Variants in FAM193A observed in about 807,000 individuals in gnomAD.
The protein encoded by FAM193A is protein FAM193A.
FAM193A carries 22 observed loss-of-function variants against 126.5 expected under a neutral mutation model. The ratio of observed to expected loss-of-function variants is 0.17; its 90% CI spans 0.12 to 0.25. The LOEUF (loss-of-function observed/expected upper bound fraction) is 0.25. FAM193A is among the 10% of genes least tolerant of loss of function. FAM193A has a pLI of 1.00. For missense variants in FAM193A, 1,675 were observed against 1,672.8 expected, an observed-to-expected ratio of 1.00 and a Z score of -0.02; for synonymous variants, 761 against 646.8, an observed-to-expected ratio of 1.18 and a Z score of -2.68.
chr4:2,675,231 G>A (rs532844749), intron 13 of FAM193A, among the ~76,000 whole-genome samples: 2 of 152,274 alleles, frequency 1.3e-5, no homozygotes, highest in South Asian at 4.1e-4. Context: ...GTTCAGTGAA[G>A]TGGTCTTCAG....
rs9762201 is a variant in FAM193A at position 2,732,197 on chromosome 4, C to G, written c.*329C>G. On this transcript the variant is annotated 3_prime_UTR_variant, in exon 21 of 21. Coordinates refer to ENST00000637812, the MANE Select transcript of FAM193A (RefSeq NM_001366318.2). The stretch of plus-strand genomic sequence containing the variant: ...CATCATCCACGTGGCTCCGTTGCCT[C>G]TGCATTGCGCCCTGTCCTGTCATGT... 1 of 370,306 alleles carries G rather than the reference C, an allele frequency of 2.7e-6. No individual in the cohort carries two copies. Among genetic ancestry groups the G allele is most frequent in the Non-Finnish European group, 5.2e-6 (1 of 193,830 alleles). The allele number at this position is 370,306 out of a possible 1,614,324, so 22.9% of individuals were successfully genotyped here.
intron 1 of FAM193A, among the ~76,000 whole-genome samples, chr4:2,539,995 G>A (rs1217309139): frequency 6.6e-6 from 1 of 151,920 alleles, no homozygotes; most frequent in African/African-American, 2.4e-5. Context: ...GTATGCACTT[G>A]TAATCCCAGC....
chr4:2,556,237 C>T (rs375969230), intron 1 of FAM193A, among the ~76,000 whole-genome samples: 7 of 150,410 alleles, frequency 4.7e-5, no homozygotes, highest in East Asian at 2.0e-4. Context: ...GATGGCGTCT[C>T]GCTCTGTTGC....
chr4:2,564,795 GT>G (rs1215640623), intron 1 of FAM193A, among the ~76,000 whole-genome samples: 2 of 151,728 alleles, frequency 1.3e-5, no homozygotes, highest in African/African-American at 4.8e-5. Flanking sequence ...AACACTTGTG[GT>G]TTTTTTTGTT....
intron 1 of FAM193A, among the ~76,000 whole-genome samples, chr4:2,580,296 A>G (rs145225052): frequency 6.6e-6 from 1 of 152,270 alleles, no homozygotes; most frequent in African/African-American, 2.4e-5. Context: ...ATGGACACGT[A>G]GAGGGGAACA....
At chr4:2,611,352 T>C (rs957017825) in intron 2 of FAM193A, among the ~76,000 whole-genome samples, 1 of 152,126 alleles carries the variant, frequency 6.6e-6, no homozygotes, top group Admixed American at 6.5e-5. Flanking sequence ...CACTGCAGCC[T>C]CCACCTCCCA....
intron 5 of FAM193A, among the ~76,000 whole-genome samples, chr4:2,637,646 C>A (rs1744220266): frequency 1.3e-5 from 2 of 152,232 alleles, no homozygotes. Context: ...CTCAGCAGTT[C>A]TTCCATAGGC....
At chr4:2,558,836 A>T (rs2108835641) in intron 1 of FAM193A, among the ~76,000 whole-genome samples, 1 of 152,346 alleles carries the variant, frequency 6.6e-6, no homozygotes, top group African/African-American at 2.4e-5. Flanking sequence ...CCCCGTCTCT[A>T]CTAAAAATAC....
At chr4:2,675,151 A>G (rs1019241495) in intron 13 of FAM193A, among the ~76,000 whole-genome samples, 2 of 152,156 alleles carry the variant, frequency 1.3e-5, no homozygotes, top group African/African-American at 4.8e-5. Flanking sequence ...GGTATGTTTT[A>G]TGGCCCAGAA....
intron 2 of FAM193A, among the ~76,000 whole-genome samples, chr4:2,597,849 C>T (rs1341221510): frequency 2.0e-5 from 3 of 152,180 alleles, no homozygotes; most frequent in Non-Finnish European, 2.9e-5. Context: ...ATAAAATCCC[C>T]TTGTTCCCCT....
intron 13 of FAM193A, among the ~76,000 whole-genome samples, chr4:2,679,367 T>TTTTCTTTC (rs202109350): frequency 1.4e-5 from 2 of 146,498 alleles, no homozygotes; most frequent in African/African-American, 5.3e-5. Context: ...TCGTTTGTAG[T>TTTTCTTTC]TTTCTTTCTT....
chr4:2,647,557 C>T (rs569974491), intron 7 of FAM193A, among the ~76,000 whole-genome samples: 148 of 152,304 alleles, frequency 9.7e-4, no homozygotes, highest in Non-Finnish European at 1.9e-3. Context: ...GCACAGGTGG[C>T]AGGTGGCTCA....
At chr4:2,721,776 C>T (rs1275275050) in intron 20 of FAM193A, among the ~76,000 whole-genome samples, 1 of 152,178 alleles carries the variant, frequency 6.6e-6, no homozygotes, top group Non-Finnish European at 1.5e-5. Flanking sequence ...TGCAACCCCA[C>T]AAACAGCTGC....
intron 20 of FAM193A, among the ~76,000 whole-genome samples, chr4:2,721,522 A>C (rs232711): frequency 0.79 from 119,830 of 152,074 alleles, 47,350 homozygotes; most frequent in Middle Eastern, 0.86. Context: ...CATTAGGATT[A>C]CACAGCAAGC....
At chr4:2,562,387 C>G (rs1738670531) in intron 1 of FAM193A, among the ~76,000 whole-genome samples, 1 of 152,112 alleles carries the variant, frequency 6.6e-6, no homozygotes, top group Non-Finnish European at 1.5e-5. Context: ...CGGAGTTAAA[C>G]ACTGCAGTGA....
rs776428041 is a variant in FAM193A, at chr4:2,696,352, G to A, written c.3277-11G>A. 1.9e-6 allele frequency: 3 copies of A among 1,586,968 alleles called. No individual in the cohort carries two copies. In the South Asian group the frequency reaches 3.4e-5, roughly 18 times the overall value. On this transcript the variant is annotated splice_polypyrimidine_tract_variant and intron_variant, in intron 17 of 20. Transcript: ENST00000637812. ...TTTAAAACTTAAGCATAACTTTGTT[G>A]TTTTTCTCAGCCTCCAGCTGCACCA...
chr4:2,550,136 A>G (rs1420490578), intron 1 of FAM193A, among the ~76,000 whole-genome samples: 5 of 150,000 alleles, frequency 3.3e-5, no homozygotes, highest in South Asian at 2.1e-4. Flanking sequence ...ACCTGAGTTC[A>G]TGTGATTCTT....
At chr4:2,726,405 G>A (rs1720750317) in intron 20 of FAM193A, among the ~76,000 whole-genome samples, 1 of 151,894 alleles carries the variant, frequency 6.6e-6, no homozygotes, top group East Asian at 1.9e-4. Context: ...AACTTGAGTT[G>A]TTCTTTCTAA....
intron 7 of FAM193A, among the ~76,000 whole-genome samples, chr4:2,651,982 C>T (rs1025120211): frequency 6.6e-6 from 1 of 152,106 alleles, no homozygotes; most frequent in Non-Finnish European, 1.5e-5. Flanking sequence ...AGATGAGTTC[C>T]CCATGATAGG....
Sources: allele counts gnomAD v4.1 joint callset (sites outside exome capture counted in the v4.1 genomes callset), GRCh38; gene constraint gnomAD v4.1.1; transcripts MANE v1.5; gene names NCBI Gene and HGNC (gene_info 2026-07-23, HGNC 2026-07-21).